NXNL2: variants seen among roughly 807,000 people sequenced by gnomAD.
The protein encoded by NXNL2 is nucleoredoxin-like protein 2.
A neutral mutation model predicts 11.1 loss-of-function variants in NXNL2; 7 were observed. That is an observed-to-expected ratio of 0.63 (90% CI 0.36 to 1.18). The LOEUF (loss-of-function observed/expected upper bound fraction) is 1.18, where lower values mean the gene tolerates loss of function less well. NXNL2 is among the 50% of genes most tolerant of loss of function. The probability of loss-of-function intolerance (pLI) is 0.02; values close to 1 mark genes in which losing one functional copy is unlikely to be tolerated. For synonymous variants in NXNL2, 109 were observed against 101.8 expected (o/e 1.07, Z -0.42); for missense variants, 233 against 217.7 (o/e 1.07, Z -0.44).
At chr9:88,581,491 G>A (rs1830407752) in intron 1 of NXNL2, among the ~76,000 whole-genome samples, 1 of 151,876 alleles carries the variant, frequency 6.6e-6, no homozygotes, top group African/African-American at 2.4e-5. Flanking sequence ...CTGCAGGAGT[G>A]CAATGGCGTG....
chr9:88,546,641 C>A (rs1184365802), downstream of NXNL2, among the ~76,000 whole-genome samples: 1 of 152,064 alleles, frequency 6.6e-6, no homozygotes. Context: ...TCTCGAACTC[C>A]TGACCTCAAG....
chr9:88,576,905 A>C (rs1830354431), downstream of NXNL2, among the ~76,000 whole-genome samples: 2 of 152,126 alleles, frequency 1.3e-5, no homozygotes. Flanking sequence ...AGGGGCTCCA[A>C]CACTGTGTTC....
chr9:88,566,518 G>A (rs918967193), intron 1 of NXNL2, among the ~76,000 whole-genome samples: 1 of 152,066 alleles, frequency 6.6e-6, no homozygotes. Flanking sequence ...GACCAGGCTG[G>A]TCTCAAACTC....
intron 1 of NXNL2, among the ~76,000 whole-genome samples, chr9:88,565,628 C>T (rs2118512096): frequency 6.6e-6 from 1 of 152,230 alleles, no homozygotes; most frequent in African/African-American, 2.4e-5. Flanking sequence ...GCCTCTGCCT[C>T]CCAGATTCAA....
At chr9:88,554,106 G>C (rs979568876) in intron 1 of NXNL2, among the ~76,000 whole-genome samples, 1 of 152,196 alleles carries the variant, frequency 6.6e-6, no homozygotes, top group African/African-American at 2.4e-5. Context: ...TGGAGTCAGG[G>C]CCTCAGGCAG....
chr9:88,565,428 A>G (rs1022557910), intron 1 of NXNL2, among the ~76,000 whole-genome samples: 10 of 152,118 alleles, frequency 6.6e-5, no homozygotes, highest in Admixed American at 2.6e-4. Flanking sequence ...TTTTTGAGGA[A>G]TTGTTCCATA....
chr9:88,535,756 G>T lies in NXNL2; in HGVS notation c.302+20G>T. The T allele has an allele frequency of 1.3e-6, 2 of 1,528,972 alleles. No homozygotes were observed. The highest frequency in any genetic ancestry group is 1.7e-6 in the Non-Finnish European group (2 of 1,148,754). 94.7% of individuals were successfully genotyped at this position (1,528,972 alleles called of 1,614,324 possible). On this transcript the variant is annotated intron_variant, in intron 1 of 1. Transcript: ENST00000375854. ...CCGGCAGTGAGTGGGGGTCCTGGGG[G>T]GGCGGGGGCCGCCCGGCACGTCTCC... is the stretch of plus-strand genomic sequence containing the variant.
At position 88,553,791 on chromosome 9, in the gene NXNL2, T is replaced by G. The variant is rs183004776; in HGVS notation, c.303-17296T>G. Among the ~76,000 whole-genome samples the G allele has an allele frequency of 6.6e-5, 10 of 152,332 alleles. No individual in the cohort carries two copies. The East Asian group carries it at 1.9e-3, about 29-fold the overall frequency. ...CAAGATTAAAGCCTTATGGTTTTTT[T>G]GGGTAAACATTTGCAGTGATAAGGC... On this transcript the variant is annotated intron_variant, in intron 1 of 2. Coordinates refer to the NXNL2 transcript ENST00000375855.
At chr9:88,550,007 A>G (rs1008237540) in intron 1 of NXNL2, among the ~76,000 whole-genome samples, 3 of 152,058 alleles carry the variant, frequency 2.0e-5, no homozygotes, top group African/African-American at 7.2e-5. Context: ...TTGTATTTTT[A>G]GTAGAGATGG....
chr9:88,579,927 G>A (rs1027774084), downstream of NXNL2, among the ~76,000 whole-genome samples: 1 of 152,030 alleles, frequency 6.6e-6, no homozygotes, highest in South Asian at 2.1e-4. Flanking sequence ...TCAGGAGATC[G>A]AGACCCTCCT....
exon 3 of NXNL2, chr9:88,575,710 G>A (rs1416542332): frequency 2.0e-5 from 3 of 152,172 alleles, no homozygotes; most frequent in Non-Finnish European, 4.4e-5. Context: ...TGTGACTACT[G>A]TCAATAATCA....
intron 1 of NXNL2, among the ~76,000 whole-genome samples, chr9:88,582,581 T>G (rs1830420511): frequency 6.6e-6 from 1 of 152,138 alleles, no homozygotes; most frequent in African/African-American, 2.4e-5. Context: ...ACTTAGAGGC[T>G]TAAAACAATC....
At chr9:88,580,667 A>G (rs1325909299), downstream of NXNL2, among the ~76,000 whole-genome samples, 5 of 152,156 alleles carry the variant, frequency 3.3e-5, no homozygotes, top group African/African-American at 1.2e-4. Context: ...ACCTCACATA[A>G]TTATGTTAAG....
At chr9:88,545,987 G>A (rs1167902372), downstream of NXNL2, among the ~76,000 whole-genome samples, 3 of 152,040 alleles carry the variant, frequency 2.0e-5, no homozygotes, top group Non-Finnish European at 4.4e-5. Flanking sequence ...GGCTGGTCTC[G>A]AACTCCTTAC....
intron 1 of NXNL2, among the ~76,000 whole-genome samples, chr9:88,542,358 G>A (rs1044443228): frequency 2.6e-5 from 4 of 151,634 alleles, no homozygotes; most frequent in Non-Finnish European, 5.9e-5. Context: ...GCGCGATCTC[G>A]GCTCACTGCA....
chr9:88,560,119 C>T (rs750933981), intron 1 of NXNL2, among the ~76,000 whole-genome samples: 2 of 152,088 alleles, frequency 1.3e-5, no homozygotes, highest in African/African-American at 2.4e-5. Context: ...CATCCTTAGG[C>T]AGCAGTTCAA....
exon 3 of NXNL2, chr9:88,575,373 A>G (rs55776956): frequency 0.03 from 4,744 of 158,808 alleles, 107 homozygotes; most frequent in Non-Finnish European, 0.046. Context: ...CAACAGATGA[A>G]TGGATAAAGA....
rs143849591 is a variant in NXNL2, at chr9:88,550,407, G to A, written c.302+14671G>A. On this transcript the variant is annotated intron_variant, in intron 1 of 2. Transcript: ENST00000375855. ...AGTGAGAGAAAGTGAGGCATTTATT[G>A]TGAGGTGCCAACAAGAATCAGGCAG... Among the ~76,000 whole-genome samples the A allele has an allele frequency of 1.1e-4, 16 of 152,346 alleles. No individual in the cohort carries two copies. The East Asian group carries it at 2.9e-3, about 28-fold the overall frequency.
At chr9:88,546,052 C>A (rs999907404), downstream of NXNL2, among the ~76,000 whole-genome samples, 3 of 152,170 alleles carry the variant, frequency 2.0e-5, no homozygotes, top group African/African-American at 7.2e-5. Context: ...CAGGCATGAG[C>A]CACCGTGCCC....
Sources: allele counts gnomAD v4.1 joint callset (sites outside exome capture counted in the v4.1 genomes callset), GRCh38; gene constraint gnomAD v4.1.1; transcripts MANE v1.5; gene names NCBI Gene and HGNC (gene_info 2026-07-23, HGNC 2026-07-21).